MPP7: variants seen among roughly 807,000 people sequenced by gnomAD.
MPP7 encodes MAGUK p55 subfamily member 7.
In MPP7, 60 loss-of-function variants were observed where a neutral mutation model predicts 76.5. The ratio of observed to expected loss-of-function variants is 0.78; its 90% CI spans 0.64 to 0.97. The LOEUF (loss-of-function observed/expected upper bound fraction) is 0.97. Ranked by LOEUF, MPP7 falls within the 50% of genes least tolerant of loss-of-function variation. MPP7 has a pLI of 0.00. For missense variants in MPP7, 641 were observed against 694.0 expected, an observed-to-expected ratio of 0.92 and a Z score of 0.86; for synonymous variants, 237 against 244.5, an observed-to-expected ratio of 0.97 and a Z score of 0.29.
chr10:28,260,674 A>G (rs1399418305), intron 1 of MPP7, among the ~76,000 whole-genome samples: 3 of 150,544 alleles, frequency 2.0e-5, no homozygotes, highest in African/African-American at 4.9e-5. Flanking sequence ...CAAGAGGCTG[A>G]GACAGGAGAA....
At chr10:28,324,120 T>G (rs947505704) in intron 2 of MPP7, among the ~76,000 whole-genome samples, 1 of 152,116 alleles carries the variant, frequency 6.6e-6, no homozygotes, top group Non-Finnish European at 1.5e-5. Context: ...CCCAAGTTGA[T>G]GATATTAGGA....
Position 28,125,099 on chromosome 10 carries a change from G to C in MPP7, c.448-8C>G, listed in dbSNP as rs561314382. 1 of 1,612,814 alleles carries C rather than the reference G, an allele frequency of 6.2e-7. No homozygotes were observed. The highest frequency in any genetic ancestry group is 8.5e-7 in the Non-Finnish European group (1 of 1,179,210). Reference sequence around the variant, plus strand: ...CTTCTTAATGGTAGCTCCCTTTTAAGACAAAAACAAAAAGCATTTGTGGGT... The same window carrying C: ...CTTCTTAATGGTAGCTCCCTTTTAACACAAAAACAAAAAGCATTTGTGGGT... On this transcript the variant is annotated splice_polypyrimidine_tract_variant and splice_region_variant and intron_variant, in intron 6 of 16. Coordinates refer to ENST00000683449, the MANE Select transcript of MPP7 (RefSeq NM_001318170.2).
chr10:28,218,969 C>T (rs545298105), intron 2 of MPP7, among the ~76,000 whole-genome samples: 2 of 152,158 alleles, frequency 1.3e-5, no homozygotes, highest in Non-Finnish European at 2.9e-5. Flanking sequence ...AGAAATACAT[C>T]TATGCCACAA....
At chr10:28,275,532 G>T (rs140627442) in intron 1 of MPP7, among the ~76,000 whole-genome samples, 1 of 151,038 alleles carries the variant, frequency 6.6e-6, no homozygotes, top group East Asian at 2.0e-4. Context: ...TCAGCCTCCC[G>T]AGTAGCTGGG....
At position 28,222,396 on chromosome 10, in the gene MPP7, G is replaced by A. The variant is rs145609320; in HGVS notation, c.37+16172C>T. 7.8e-3 allele frequency among the ~76,000 whole-genome samples: 1,191 copies of A among 151,860 alleles called. 16 individuals carry two copies. Among genetic ancestry groups the A allele is most frequent in the African/African-American group, 0.027 (1,126 of 41,406 alleles). On this transcript the variant is annotated intron_variant, in intron 2 of 16. Coordinates refer to ENST00000683449, the MANE Select transcript of MPP7 (RefSeq NM_001318170.2). ...CCTATAGTCCCAGCTGAGGCAGGAG[G>A]ATCACCTGGGCCTGGGAGTTGAGGC...
At chr10:28,334,207 G>GAAAAAAAAAAA (rs58091618) in intron 1 of MPP7, among the ~76,000 whole-genome samples, 1 of 143,630 alleles carries the variant, frequency 7.0e-6, no homozygotes, top group Non-Finnish European at 1.5e-5. Context: ...TCTAAAAAAA[G>GAAAAAAAAAAA]AAAAAAAAAA....
At chr10:28,187,492 T>A (rs1413288064) in intron 3 of MPP7, among the ~76,000 whole-genome samples, 1 of 152,220 alleles carries the variant, frequency 6.6e-6, no homozygotes, top group Non-Finnish European at 1.5e-5. Flanking sequence ...TCAGACCAGG[T>A]GGCCATGGAT....
intron 2 of MPP7, among the ~76,000 whole-genome samples, chr10:28,225,351 C>T (rs1041372876): frequency 6.6e-6 from 1 of 151,930 alleles, no homozygotes; most frequent in Non-Finnish European, 1.5e-5. Context: ...AACATTTGTC[C>T]ATCAAAGGAC....
At chr10:28,092,215 T>C (rs1853340507) in intron 11 of MPP7, among the ~76,000 whole-genome samples, 2 of 152,202 alleles carry the variant, frequency 1.3e-5, no homozygotes, top group Non-Finnish European at 2.9e-5. Context: ...TGTGGCCCTC[T>C]AAGAGTCACT....
intron 3 of MPP7, among the ~76,000 whole-genome samples, chr10:28,175,772 A>C (rs1033209171): frequency 6.6e-6 from 1 of 152,176 alleles, no homozygotes; most frequent in Non-Finnish European, 1.5e-5. Flanking sequence ...AAAAACTTGT[A>C]AGAGCTCAGG....
intron 2 of MPP7, 28 bp downstream of exon 2, chr10:28,238,540 G>A: frequency 2.5e-6 from 4 of 1,612,210 alleles, no homozygotes; most frequent in Non-Finnish European, 3.4e-6. Context: ...AAGATGGAAT[G>A]AGAACTGCCC....
At chr10:28,269,613 A>G (rs1840258443) in intron 1 of MPP7, among the ~76,000 whole-genome samples, 1 of 150,824 alleles carries the variant, frequency 6.6e-6, no homozygotes. Flanking sequence ...TGCAGCCTCC[A>G]ACTCCTGGCC....
At chr10:28,274,635 C>T (rs1272492222) in intron 1 of MPP7, among the ~76,000 whole-genome samples, 1 of 152,146 alleles carries the variant, frequency 6.6e-6, no homozygotes, top group African/African-American at 2.4e-5. Context: ...ATCCATCCAC[C>T]CAGTGTTTAC....
intron 1 of MPP7, among the ~76,000 whole-genome samples, chr10:28,279,218 G>A (rs1325723623): frequency 6.6e-6 from 1 of 152,060 alleles, no homozygotes; most frequent in African/African-American, 2.4e-5. Context: ...AAGCTAAGAG[G>A]AAGATTCAGA....
intron 3 of MPP7, among the ~76,000 whole-genome samples, chr10:28,193,365 A>G (rs1312678493): frequency 2.6e-5 from 4 of 151,996 alleles, no homozygotes; most frequent in Admixed American, 6.6e-5. Context: ...GGCGCCCGTC[A>G]CCACTGCTGG....
chr10:28,285,195 T>C (rs914753314), intron 1 of MPP7, among the ~76,000 whole-genome samples: 2 of 152,184 alleles, frequency 1.3e-5, no homozygotes, highest in Non-Finnish European at 2.9e-5. Context: ...CTACCTTTTC[T>C]TTTTTTGAGA....
At chr10:28,334,508 AAC>A (rs1834498349), upstream of MPP7, 1 of 152,188 alleles carries the variant, frequency 6.6e-6, no homozygotes, top group South Asian at 2.1e-4. Context: ...GTTGCCAAGC[AAC>A]CTGTTGACCT....
intron 11 of MPP7, among the ~76,000 whole-genome samples, chr10:28,092,425 A>G (rs1006623753): frequency 6.6e-5 from 10 of 152,322 alleles, no homozygotes; most frequent in African/African-American, 2.4e-4. Flanking sequence ...CTCTGGCCCT[A>G]GGATGAGAAA....
chr10:28,139,686 C>T (rs898114457), intron 5 of MPP7, among the ~76,000 whole-genome samples: 1 of 152,074 alleles, frequency 6.6e-6, no homozygotes, highest in African/African-American at 2.4e-5. Context: ...AAGTGCACGG[C>T]AAAAAGGCTG....
Sources: allele counts gnomAD v4.1 joint callset (sites outside exome capture counted in the v4.1 genomes callset), GRCh38; gene constraint gnomAD v4.1.1; transcripts MANE v1.5; gene names NCBI Gene and HGNC (gene_info 2026-07-23, HGNC 2026-07-21).